Variants in H4C15 observed in about 807,000 individuals in gnomAD.
H4C15 encodes the protein histone H4.
the H4C15 span, chr1:149,846,310 C>T: frequency 6.6e-6 from 1 of 152,096 alleles, no homozygotes; most frequent in African/African-American, 2.4e-5. Context: ...TCACCATTAC[C>T]GCTACATAGT....
At chr1:149,845,149 A>G in the H4C15 span, 2 of 152,364 alleles carry the variant, frequency 1.3e-5, no homozygotes. Context: ...TTACCTGTCA[A>G]TCGCTACTTT....
the H4C15 span, chr1:149,844,753 G>A: frequency 6.7e-6 from 1 of 149,774 alleles, no homozygotes; most frequent in Non-Finnish European, 1.5e-5. Context: ...ATTAAAAACA[G>A]ATTTTTTAGT....
the H4C15 span, chr1:149,845,446 A>T: frequency 1.3e-5 from 2 of 152,258 alleles, no homozygotes; most frequent in Admixed American, 6.5e-5. Context: ...GACAGGTTTC[A>T]TCAGTTAATA....
At chr1:149,847,771 C>G in the H4C15 span, 3 of 152,268 alleles carry the variant, frequency 2.0e-5, no homozygotes, top group East Asian at 5.8e-4. Flanking sequence ...TGCCACTGCA[C>G]TCCAGCCTGG....
chr1:149,844,831 G>C, the H4C15 span: 1 of 151,058 alleles, frequency 6.6e-6, no homozygotes, highest in African/African-American at 2.4e-5. Flanking sequence ...GCTTTTCAAA[G>C]CTTCATCCCC....
downstream of H4C15, chr1:149,850,694 C>G: frequency 5.4e-6 from 2 of 373,298 alleles, no homozygotes; most frequent in Non-Finnish European, 9.0e-6. Context: ...GCGCTTCTTG[C>G]CGTCTTTCTT....
the H4C15 span, chr1:149,847,024 G>A: frequency 2.0e-5 from 3 of 152,192 alleles, no homozygotes; most frequent in African/African-American, 4.8e-5. Flanking sequence ...CCTTAAGGGA[G>A]GGTCTATTTC....
the H4C15 span, chr1:149,847,383 T>G: frequency 2.0e-5 from 3 of 152,370 alleles, no homozygotes; most frequent in Admixed American, 1.3e-4. Flanking sequence ...CCCCGAAAGA[T>G]ATGTTGAAGT....
downstream of H4C15, chr1:149,850,437 G>A (rs782784375): frequency 2.5e-6 from 3 of 1,181,274 alleles, no homozygotes; most frequent in East Asian, 2.6e-5. Flanking sequence ...GGTGCCCTCG[G>A]ACACGGCGTG....
At chr1:149,844,751 C>CTAAA in the H4C15 span, 1 of 150,244 alleles carries the variant, frequency 6.7e-6, no homozygotes, top group Non-Finnish European at 1.5e-5. Context: ...CAATTAAAAA[C>CTAAA]AGATTTTTTA....
At chr1:149,845,611 G>A in the H4C15 span, 1 of 152,296 alleles carries the variant, frequency 6.6e-6, no homozygotes, top group African/African-American at 2.4e-5. Context: ...CTGAAGCACA[G>A]TGACCAAGGG....
At chr1:149,850,014 C>A (rs587758768), downstream of H4C15, among the ~76,000 whole-genome samples, 1 of 152,338 alleles carries the variant, frequency 6.6e-6, no homozygotes, top group South Asian at 2.1e-4. Flanking sequence ...AAAATTAACA[C>A]TGCGTTTCTC....
chr1:149,849,886 C>A (rs1455546218), downstream of H4C15, among the ~76,000 whole-genome samples: 1 of 152,182 alleles, frequency 6.6e-6, no homozygotes, highest in African/African-American at 2.4e-5. Context: ...TTGAGCTATT[C>A]CCTTTTAAGT....
At chr1:149,850,570 G>T, downstream of H4C15, 1 of 662,216 alleles carries the variant, frequency 1.5e-6, no homozygotes, top group Non-Finnish European at 2.5e-6. Context: ...CGAAGATGTC[G>T]TTGAGGAAGG....
chr1:149,844,889 G>A, the H4C15 span: 1 of 152,082 alleles, frequency 6.6e-6, no homozygotes. Context: ...GCTCTACTGA[G>A]AGATAAGGCC....
At chr1:149,844,818 A>G in the H4C15 span, 1 of 152,118 alleles carries the variant, frequency 6.6e-6, no homozygotes, top group Non-Finnish European at 1.5e-5. Context: ...AAAAAAAAAA[A>G]AAGCTTTTCA....
the H4C15 span, chr1:149,846,266 T>C: frequency 1.3e-5 from 2 of 152,166 alleles, no homozygotes; most frequent in Admixed American, 6.5e-5. Context: ...TCAATGTCAT[T>C]TGGGGCATCT....
downstream of H4C15, chr1:149,850,238 G>T: frequency 9.6e-7 from 1 of 1,040,146 alleles, no homozygotes; most frequent in Non-Finnish European, 1.4e-6. Flanking sequence ...AACCAGACGT[G>T]AAGCCAAAAA....
the H4C15 span, chr1:149,844,875 T>C: frequency 1.3e-5 from 2 of 151,930 alleles, no homozygotes; most frequent in African/African-American, 4.8e-5. Flanking sequence ...ACATACCTTA[T>C]ATGGCTCTAC....
Sources: allele counts gnomAD v4.1 joint callset (sites outside exome capture counted in the v4.1 genomes callset), GRCh38; gene constraint gnomAD v4.1.1; transcripts MANE v1.5; gene names NCBI Gene and HGNC (gene_info 2026-07-23, HGNC 2026-07-21).